NAA25: variants seen among roughly 807,000 people sequenced by gnomAD.
NAA25 encodes the protein N-alpha-acetyltransferase 25, NatB auxiliary subunit, also known as N-terminal acetyltransferase B complex subunit NAA25.
In NAA25, 30 loss-of-function variants were observed where a neutral mutation model predicts 132.5. The ratio of observed to expected loss-of-function variants is 0.23; its 90% CI spans 0.17 to 0.31. NAA25 has a LOEUF of 0.31. Among genes scored for constraint, NAA25 ranks in the 10% least tolerant of loss-of-function variants. NAA25 has a pLI of 1.00. For synonymous variants in NAA25, 359 were observed against 401.9 expected, an observed-to-expected ratio of 0.89 and a Z score of 1.28; for missense variants, 771 against 1,150.4, an observed-to-expected ratio of 0.67 and a Z score of 4.77.
chr12:112,076,346 T>C (rs2078895534), intron 7 of NAA25, among the ~76,000 whole-genome samples: 1 of 152,208 alleles, frequency 6.6e-6, no homozygotes, highest in African/African-American at 2.4e-5. Context: ...TTTCACAATG[T>C]ATTGGGTTGA....
intron 9 of NAA25, among the ~76,000 whole-genome samples, chr12:112,072,299 T>C (rs531009268): frequency 1.6e-4 from 25 of 152,196 alleles, no homozygotes; most frequent in Admixed American, 3.9e-4. Flanking sequence ...AAAGAATGCA[T>C]AATTTTGTAT....
intron 10 of NAA25, among the ~76,000 whole-genome samples, chr12:112,069,880 C>A (rs938359335): frequency 6.6e-6 from 1 of 151,640 alleles, no homozygotes; most frequent in East Asian, 1.9e-4. Context: ...GTAATCCCAG[C>A]ACTTCGGGAG....
intron 4 of NAA25, among the ~76,000 whole-genome samples, chr12:112,081,780 T>C (rs1374863897): frequency 6.6e-6 from 1 of 152,216 alleles, no homozygotes; most frequent in African/African-American, 2.4e-5. Context: ...TTTTCATATG[T>C]TTTTTAATCT....
chr12:112,036,313 A>C (rs546947135), intron 22 of NAA25, among the ~76,000 whole-genome samples: 2 of 152,348 alleles, frequency 1.3e-5, no homozygotes, highest in African/African-American at 4.8e-5. Context: ...GGACAAAAAG[A>C]ATTGCAAAAC....
intron 17 of NAA25, among the ~76,000 whole-genome samples, chr12:112,046,248 A>G (rs2078379402): frequency 6.6e-6 from 1 of 152,230 alleles, no homozygotes; most frequent in South Asian, 2.1e-4. Flanking sequence ...TTCCCTGAGC[A>G]GGAACATTCC....
chr12:112,058,227 C>T (rs995177965), intron 13 of NAA25, among the ~76,000 whole-genome samples: 1 of 151,740 alleles, frequency 6.6e-6, no homozygotes, highest in Non-Finnish European at 1.5e-5. Context: ...ATAAAATCCC[C>T]AGTGGGGAAG....
chr12:112,108,151 A>G (rs1362479449), intron 1 of NAA25, among the ~76,000 whole-genome samples: 1 of 151,978 alleles, frequency 6.6e-6, no homozygotes, highest in Non-Finnish European at 1.5e-5. Context: ...TCTCCACCCA[A>G]CAGCTCTGGA....
In NAA25 at chr12:112,078,105, T is replaced by C. The variant is rs1296106072; in HGVS notation, c.664+83A>G. 3.2e-6 allele frequency: 3 copies of C among 930,274 alleles called. No individual in the cohort carries two copies. The African/African-American group carries it at 5.1e-5, about 16-fold the overall frequency. The allele number at this position is 930,274 out of a possible 1,614,324, so 57.6% of individuals were successfully genotyped here. On this transcript the variant is annotated intron_variant, in intron 7 of 23. Transcript: ENST00000261745. ...CAAAAGTGTTTATGTCTTTATATCCTTATGTGGAAATTTTCTACAATAAAC... is the reference window on the plus strand; with the variant it reads ...CAAAAGTGTTTATGTCTTTATATCCCTATGTGGAAATTTTCTACAATAAAC...
chr12:112,031,450 A>G (rs1326309124), intron 23 of NAA25, among the ~76,000 whole-genome samples: 1 of 152,236 alleles, frequency 6.6e-6, no homozygotes, highest in Non-Finnish European at 1.5e-5. Flanking sequence ...TAATCCTATG[A>G]AGTAGGCATT....
rs904139762 is a variant in NAA25, at chr12:112,043,117, T to G, written c.2345A>C (p.Asp782Ala). 1 of 1,612,608 alleles carries G rather than the reference T, an allele frequency of 6.2e-7. No homozygotes were observed. Among genetic ancestry groups the G allele is most frequent in the African/African-American group, 1.3e-5 (1 of 74,846 alleles). The change falls in exon 19 of 24, where the codon GAT becomes GCT. Residue 782 changes from aspartate (D) to alanine (A), a missense_variant. Asp to Ala is a moderately radical substitution (Grantham distance 126). Transcript: ENST00000261745. ...CQISSFYLVNDIYELDTSGLE... is the reference protein window; with the variant it reads ...CQISSFYLVNAIYELDTSGLE... ...ACCACTGGTATCCAGCTCATAAATA[T>G]CATTGACAAGATAAAAAGAGCTTAT...
At chr12:112,060,136 GA>G (rs1262514905) in intron 13 of NAA25, 133 bp downstream of exon 13, 1 of 647,138 alleles carries the variant, frequency 1.5e-6, no homozygotes, top group East Asian at 2.9e-5. Context: ...AAGCACCCTA[GA>G]AATATCAAGA....
intron 9 of NAA25, 48 bp from the exon 10 acceptor site, chr12:112,072,112 T>C: frequency 6.9e-7 from 1 of 1,439,694 alleles, no homozygotes. Context: ...CTATTGTCCT[T>C]CCCGAAGCTT....
intron 5 of NAA25, among the ~76,000 whole-genome samples, chr12:112,080,809 T>C (rs561607808): frequency 1.3e-5 from 2 of 151,954 alleles, no homozygotes; most frequent in South Asian, 2.1e-4. Context: ...AAAAAATAAA[T>C]TTTTTTTAAT....
At chr12:112,040,692 G>GT in intron 20 of NAA25, 114 bp from the exon 21 acceptor site, 1 of 629,318 alleles carries the variant, frequency 1.6e-6, no homozygotes. Flanking sequence ...AAAGCTATTT[G>GT]TTTTTCATTT....
At chr12:112,074,821 C>T in intron 8 of NAA25, 57 bp from the exon 9 acceptor site, 1 of 1,156,576 alleles carries the variant, frequency 8.6e-7, no homozygotes, top group African/African-American at 1.5e-5. Flanking sequence ...ACAGATCTTC[C>T]TTAGGAACCA....
Position 112,078,616 on chromosome 12 carries a change from A to G in NAA25, c.585+18T>C. 3 of 1,587,606 alleles carry G rather than the reference A, an allele frequency of 1.9e-6. No individual in the cohort carries two copies. Among genetic ancestry groups the G allele is most frequent in the Non-Finnish European group, 2.6e-6 (3 of 1,158,200 alleles). ...AGCAAAAAAATGAAAACACAAAAGT[A>G]AGGCTTAAAATACTCACTTCAGCCT... On this transcript the variant is annotated intron_variant, in intron 6 of 23. Transcript: ENST00000261745.
chr12:112,074,565 G>A (rs1231806233), intron 9 of NAA25, 110 bp downstream of exon 9: 2 of 576,974 alleles, frequency 3.5e-6, no homozygotes, highest in African/African-American at 1.9e-5. Context: ...TACTTTGAAA[G>A]GAATACTTTA....
chr12:112,095,420 G>C (rs113280084), intron 1 of NAA25, among the ~76,000 whole-genome samples: 465 of 151,090 alleles, frequency 3.1e-3, no homozygotes, highest in Non-Finnish European at 5.9e-3. Flanking sequence ...CTGAGTGACA[G>C]AGTGAGACTC....
chr12:112,077,249 G>C (rs1288574574), intron 7 of NAA25, among the ~76,000 whole-genome samples: 3 of 152,094 alleles, frequency 2.0e-5, no homozygotes, highest in Non-Finnish European at 2.9e-5. Flanking sequence ...GAGGCAGGCA[G>C]ATCACTTGAG....
Sources: allele counts gnomAD v4.1 joint callset (sites outside exome capture counted in the v4.1 genomes callset), GRCh38; gene constraint gnomAD v4.1.1; transcripts MANE v1.5; gene names NCBI Gene and HGNC (gene_info 2026-07-23, HGNC 2026-07-21).